SRPK2: variants seen among roughly 807,000 people sequenced by gnomAD.
The protein encoded by SRPK2 is SRSF protein kinase 2, also known as SFRS protein kinase 2.
Under a neutral mutation model 90.8 loss-of-function variants are expected in SRPK2, and 21 were observed. That is an observed-to-expected ratio of 0.23 (90% CI 0.16 to 0.33). SRPK2 has a LOEUF of 0.33. SRPK2 is among the 10% of genes least tolerant of loss of function. SRPK2 has a pLI of 1.00. For synonymous variants in SRPK2, 288 were observed against 311.1 expected (o/e 0.93, Z 0.78); for missense variants, 620 against 869.0 (o/e 0.71, Z 3.60).
At chr7:105,216,195 G>C (rs1797437449) in intron 2 of SRPK2, among the ~76,000 whole-genome samples, 1 of 151,964 alleles carries the variant, frequency 6.6e-6, no homozygotes, top group Admixed American at 6.6e-5. Flanking sequence ...TTTTAATAAA[G>C]TTGTTATGCA....
chr7:105,336,092 T>C (rs1348993854), intron 2 of SRPK2, among the ~76,000 whole-genome samples: 1 of 152,246 alleles, frequency 6.6e-6, no homozygotes, highest in Non-Finnish European at 1.5e-5. Flanking sequence ...TTACAATTTA[T>C]AGTATTTTTC....
intron 2 of SRPK2, among the ~76,000 whole-genome samples, chr7:105,234,994 G>A (rs1799948501): frequency 1.3e-5 from 2 of 152,204 alleles, no homozygotes; most frequent in Non-Finnish European, 2.9e-5. Flanking sequence ...CCTAAAACAT[G>A]AGTTATTTCT....
intron 11 of SRPK2, among the ~76,000 whole-genome samples, chr7:105,138,080 T>C (rs1177519202): frequency 2.0e-5 from 3 of 152,162 alleles, no homozygotes; most frequent in Non-Finnish European, 2.9e-5. Flanking sequence ...TTCTACCTGA[T>C]GCAACAGGTA....
chr7:105,332,237 T>C (rs1418424624), intron 2 of SRPK2, among the ~76,000 whole-genome samples: 1 of 152,156 alleles, frequency 6.6e-6, no homozygotes, highest in African/African-American at 2.4e-5. Context: ...AGCCAAAAGC[T>C]GAAGGGGATG....
chr7:105,148,612 G>A (rs1034884888), intron 7 of SRPK2, among the ~76,000 whole-genome samples: 1 of 152,210 alleles, frequency 6.6e-6, no homozygotes, highest in Non-Finnish European at 1.5e-5. Flanking sequence ...CAAGAGACAG[G>A]AAGTGTTATA....
At chr7:105,116,050 G>T (rs1381369024), downstream of SRPK2, among the ~76,000 whole-genome samples, 1 of 152,080 alleles carries the variant, frequency 6.6e-6, no homozygotes, top group East Asian at 1.9e-4. Context: ...TTCCTAAGAG[G>T]ATTATGTGTC....
chr7:105,317,836 C>T (rs913782160), intron 2 of SRPK2, among the ~76,000 whole-genome samples: 5 of 152,122 alleles, frequency 3.3e-5, no homozygotes, highest in African/African-American at 1.2e-4. Flanking sequence ...GTAGCCTCAA[C>T]CTCCCAGATT....
intron 2 of SRPK2, among the ~76,000 whole-genome samples, chr7:105,214,482 G>T (rs571596698): frequency 6.6e-6 from 1 of 152,116 alleles, no homozygotes; most frequent in African/African-American, 2.4e-5. Flanking sequence ...ACACTCTGTG[G>T]CAATGTCTGC....
At chr7:105,273,983 G>T (rs2130634166) in intron 2 of SRPK2, among the ~76,000 whole-genome samples, 1 of 152,284 alleles carries the variant, frequency 6.6e-6, no homozygotes, top group Non-Finnish European at 1.5e-5. Flanking sequence ...AATTTATAAA[G>T]GGGAAATCTA....
chr7:105,318,111 T>A (rs1026525350), intron 2 of SRPK2, among the ~76,000 whole-genome samples: 7 of 152,346 alleles, frequency 4.6e-5, no homozygotes, highest in South Asian at 2.1e-4. Flanking sequence ...GTTTTGTTTT[T>A]TGATACAGAG....
chr7:105,244,787 G>T lies in SRPK2; in HGVS notation c.72-41002C>A, dbSNP rs1315237721. 7 of 969,674 alleles carry T rather than the reference G, an allele frequency of 7.2e-6. No individual in the cohort carries two copies. In the South Asian group the frequency reaches 9.0e-5, roughly 12 times the overall value. The allele number at this position is 969,674 out of a possible 1,614,324, so 60.1% of individuals were successfully genotyped here. On this transcript the variant is annotated intron_variant, in intron 2 of 15. Coordinates refer to ENST00000393651, the MANE Select transcript of SRPK2 (RefSeq NM_182692.3). ...CAAGTTTGTGCGGGACATGATCCCGGAGGCATGTGGCTTCGCCCCGTACAA... is the reference window on the plus strand; with the variant it reads ...CAAGTTTGTGCGGGACATGATCCCGTAGGCATGTGGCTTCGCCCCGTACAA...
chr7:105,240,730 T>A (rs879458274), intron 2 of SRPK2, among the ~76,000 whole-genome samples: 2 of 152,238 alleles, frequency 1.3e-5, no homozygotes, highest in Non-Finnish European at 2.9e-5. Context: ...TGAGAAAGAA[T>A]TGCACTTTGA....
chr7:105,248,088 G>A (rs1382429455), intron 2 of SRPK2, among the ~76,000 whole-genome samples: 2 of 152,068 alleles, frequency 1.3e-5, no homozygotes, highest in South Asian at 2.1e-4. Flanking sequence ...ACCAACCTCA[G>A]GTGATCTGCC....
At chr7:105,193,695 G>A (rs190929836) in intron 3 of SRPK2, among the ~76,000 whole-genome samples, 26 of 152,050 alleles carry the variant, frequency 1.7e-4, no homozygotes, top group African/African-American at 6.0e-4. Flanking sequence ...TGTTTGTGTC[G>A]TCTATGATTT....
upstream of SRPK2, among the ~76,000 whole-genome samples, chr7:105,393,459 CTTTTTTT>C (rs58162170): frequency 0.022 from 1,749 of 81,248 alleles, 35 homozygotes; most frequent in East Asian, 0.095. Flanking sequence ...TCTGGTTTTT[CTTTTTTT>C]TTTTTTTTTT....
At chr7:105,175,623 G>A (rs963380996) in intron 3 of SRPK2, among the ~76,000 whole-genome samples, 1 of 151,964 alleles carries the variant, frequency 6.6e-6, no homozygotes, top group Non-Finnish European at 1.5e-5. Flanking sequence ...AACAAATTTC[G>A]GGCCAGGCAG....
At position 105,217,684 on chromosome 7, in the gene SRPK2, C is replaced by G. The variant is rs149776172; in HGVS notation, c.72-13899G>C. ...GATTATCCCAAGTATAGAGAATATT[C>G]CTTATTTACTTGTTCAAGAAATACT... On this transcript the variant is annotated intron_variant, in intron 2 of 15. Coordinates refer to ENST00000393651, the MANE Select transcript of SRPK2 (RefSeq NM_182692.3). Among the ~76,000 whole-genome samples, 30 of 152,286 alleles carry G rather than the reference C, an allele frequency of 2.0e-4. No individual in the cohort carries two copies. The East Asian group carries it at 5.2e-3, about 26-fold the overall frequency.
At chr7:105,341,568 G>C (rs1165273096) in intron 2 of SRPK2, among the ~76,000 whole-genome samples, 4 of 152,000 alleles carry the variant, frequency 2.6e-5, no homozygotes, top group Non-Finnish European at 5.9e-5. Flanking sequence ...AGCTACTTGG[G>C]AAGCTGAGGC....
At chr7:105,192,161 T>C (rs1336503553) in intron 3 of SRPK2, among the ~76,000 whole-genome samples, 6 of 152,030 alleles carry the variant, frequency 3.9e-5, no homozygotes, top group African/African-American at 9.7e-5. Flanking sequence ...CCATCACCGA[T>C]AGAGTATACA....
Sources: allele counts gnomAD v4.1 joint callset (sites outside exome capture counted in the v4.1 genomes callset), GRCh38; gene constraint gnomAD v4.1.1; transcripts MANE v1.5; gene names NCBI Gene and HGNC (gene_info 2026-07-23, HGNC 2026-07-21).